CNTNAP5: variants seen among roughly 807,000 people sequenced by gnomAD.
The protein encoded by CNTNAP5 is contactin-associated protein-like 5.
A neutral mutation model predicts 150.2 loss-of-function variants in CNTNAP5; 72 were observed. The observed-to-expected ratio is 0.48, with a 90% CI of 0.40 to 0.58. CNTNAP5 has a LOEUF of 0.58. Among genes scored for constraint, CNTNAP5 ranks in the 20% least tolerant of loss-of-function variants. The pLI is 0.00. For synonymous variants in CNTNAP5, 672 were observed against 619.8 expected (o/e 1.08, Z -1.25); for missense variants, 1,636 against 1,626.2 (o/e 1.01, Z -0.10).
chr2:124,699,795 T>C (rs77843040), intron 13 of CNTNAP5, among the ~76,000 whole-genome samples: 2 of 99,794 alleles, frequency 2.0e-5, no homozygotes, highest in African/African-American at 7.0e-5. Context: ...TTCTTTCTTT[T>C]CTTTCTTTCT....
chr2:124,699,449 A>G (rs965341798), intron 13 of CNTNAP5, among the ~76,000 whole-genome samples: 1 of 152,160 alleles, frequency 6.6e-6, no homozygotes, highest in Admixed American at 6.5e-5. Flanking sequence ...GGCCAAAGTC[A>G]GGGAGGTTCA....
At chr2:124,227,092 A>C (rs1180625996) in intron 2 of CNTNAP5, among the ~76,000 whole-genome samples, 1 of 152,192 alleles carries the variant, frequency 6.6e-6, no homozygotes, top group Non-Finnish European at 1.5e-5. Flanking sequence ...CGTTCAAGTT[A>C]TAGCAGTGTC....
intron 13 of CNTNAP5, among the ~76,000 whole-genome samples, chr2:124,678,396 A>T (rs1251304386): frequency 6.6e-6 from 1 of 151,456 alleles, no homozygotes; most frequent in Non-Finnish European, 1.5e-5. Context: ...CATAGGTATC[A>T]CCCCTTCTCT....
intron 3 of CNTNAP5, among the ~76,000 whole-genome samples, chr2:124,372,320 G>A (rs1297084483): frequency 6.6e-6 from 1 of 152,028 alleles, no homozygotes; most frequent in Non-Finnish European, 1.5e-5. Flanking sequence ...CTTGGGCTGA[G>A]CATGCTACCA....
intron 1 of CNTNAP5, among the ~76,000 whole-genome samples, chr2:124,079,433 A>G (rs545030491): frequency 8.5e-5 from 13 of 152,244 alleles, no homozygotes; most frequent in Middle Eastern, 3.4e-3. Flanking sequence ...TATACCACCC[A>G]TTCAACCTCT....
chr2:124,544,075 C>T (rs1354613318), intron 10 of CNTNAP5, among the ~76,000 whole-genome samples: 1 of 151,862 alleles, frequency 6.6e-6, no homozygotes, highest in African/African-American at 2.4e-5. Flanking sequence ...ATTACTTTCC[C>T]AAGATTACAG....
At chr2:124,765,684 A>G (rs976064368) in intron 16 of CNTNAP5, among the ~76,000 whole-genome samples, 21 of 152,292 alleles carry the variant, frequency 1.4e-4, no homozygotes, top group African/African-American at 5.1e-4. Flanking sequence ...GTCAAGGCGC[A>G]GTGGCTCACA....
intron 1 of CNTNAP5, among the ~76,000 whole-genome samples, chr2:124,186,920 T>C (rs1685346921): frequency 6.6e-6 from 1 of 152,202 alleles, no homozygotes; most frequent in African/African-American, 2.4e-5. Flanking sequence ...TCCTGGGTCT[T>C]ACATCCTTCT....
intron 8 of CNTNAP5, among the ~76,000 whole-genome samples, chr2:124,505,381 C>T (rs1490853832): frequency 1.3e-5 from 2 of 152,168 alleles, no homozygotes; most frequent in Non-Finnish European, 2.9e-5. Context: ...TCTTAAACCA[C>T]ATTACCATGG....
At chr2:124,241,353 A>G (rs1462616100) in intron 2 of CNTNAP5, among the ~76,000 whole-genome samples, 2 of 152,064 alleles carry the variant, frequency 1.3e-5, no homozygotes, top group Non-Finnish European at 2.9e-5. Context: ...AGAATGTTAG[A>G]GACTCTGTCA....
intron 3 of CNTNAP5, among the ~76,000 whole-genome samples, chr2:124,347,756 TAAGTGTGTATGTGTTTACATA>T (rs1392307747): frequency 6.6e-6 from 1 of 152,160 alleles, no homozygotes; most frequent in Admixed American, 6.5e-5. Flanking sequence ...GGTGAATATG[TAAGTGTGTATGTGTTTACATA>T]TACACCCACA....
At chr2:124,379,470 C>T (rs1690735059) in intron 3 of CNTNAP5, among the ~76,000 whole-genome samples, 1 of 152,106 alleles carries the variant, frequency 6.6e-6, no homozygotes, top group African/African-American at 2.4e-5. Context: ...TCCTCCATGT[C>T]TTTTCATGGC....
At position 124,811,109 on chromosome 2, in the gene CNTNAP5, A is replaced by G. The variant is rs549230252; in HGVS notation, c.3217+12789A>G. ...CAAACAATAAGGACTTTGAAAACCA[A>G]CCTCACCAAAATGGTGATAGACCTA... On this transcript the variant is annotated intron_variant, in intron 19 of 23. Coordinates refer to ENST00000682447, the MANE Select transcript of CNTNAP5 (RefSeq NM_001367498.1). Among the ~76,000 whole-genome samples the G allele has an allele frequency of 1.2e-3, 146 of 125,436 alleles. 1 individual carries two copies. Among genetic ancestry groups the G allele is most frequent in the Non-Finnish European group, 6.8e-4 (43 of 62,994 alleles). The allele number at this position is 125,436 out of a possible 152,430, so 82.3% of individuals were successfully genotyped here.
At chr2:124,142,783 T>G (rs1248730127) in intron 1 of CNTNAP5, among the ~76,000 whole-genome samples, 3 of 146,092 alleles carry the variant, frequency 2.1e-5, no homozygotes, top group Non-Finnish European at 4.5e-5. Flanking sequence ...AAGAAATAAC[T>G]AAAATCAGAG....
intron 18 of CNTNAP5, among the ~76,000 whole-genome samples, chr2:124,792,665 C>T (rs1387705911): frequency 6.6e-6 from 1 of 152,184 alleles, no homozygotes; most frequent in Non-Finnish European, 1.5e-5. Context: ...AATTCCATGT[C>T]ATTAGCAGCC....
At chr2:124,554,674 G>A (rs1330495571) in intron 10 of CNTNAP5, among the ~76,000 whole-genome samples, 7 of 151,874 alleles carry the variant, frequency 4.6e-5, no homozygotes, top group South Asian at 2.1e-4. Flanking sequence ...CTCCTGCCTC[G>A]GCCTCCTAAA....
chr2:124,655,733 A>G (rs1478043060), intron 13 of CNTNAP5, among the ~76,000 whole-genome samples: 3 of 151,734 alleles, frequency 2.0e-5, no homozygotes, highest in Admixed American at 2.0e-4. Context: ...CCTTGACCCT[A>G]CAAAAGATAT....
At chr2:124,736,750 CA>C (rs940979031) in intron 13 of CNTNAP5, among the ~76,000 whole-genome samples, 1 of 152,110 alleles carries the variant, frequency 6.6e-6, no homozygotes, top group African/African-American at 2.4e-5. Flanking sequence ...TATATTTCTG[CA>C]AAACACATTT....
At chr2:124,480,732 C>G (rs1243029797) in intron 7 of CNTNAP5, among the ~76,000 whole-genome samples, 2 of 152,154 alleles carry the variant, frequency 1.3e-5, no homozygotes, top group African/African-American at 4.8e-5. Flanking sequence ...TTTGAAAAAG[C>G]AACTAACATA....
Sources: gnomAD v4.1 joint callset for allele counts (sites outside exome capture counted in the v4.1 genomes callset) on GRCh38, gnomAD v4.1.1 for gene constraint, MANE v1.5 for transcripts, NCBI Gene and HGNC (gene_info 2026-07-23, HGNC 2026-07-21) for gene names.